Variants in OSBPL11 observed in about 807,000 individuals in gnomAD.
The protein encoded by OSBPL11 is oxysterol-binding protein-related protein 11.
In OSBPL11, 33 loss-of-function variants were observed where a neutral mutation model predicts 84.4. The observed-to-expected ratio is 0.39, with a 90% confidence interval of 0.30 to 0.52. The LOEUF (loss-of-function observed/expected upper bound fraction) is 0.52. Ranked by LOEUF, OSBPL11 falls within the 20% of genes least tolerant of loss-of-function variation. The probability of loss-of-function intolerance (pLI) is 0.72; values close to 1 mark genes in which losing one functional copy is unlikely to be tolerated. For synonymous variants in OSBPL11, 276 were observed against 310.2 expected (o/e 0.89, Z 1.16); for missense variants, 736 against 901.1 (o/e 0.82, Z 2.35).
chr3:125,569,505 A>G (rs1044000807), intron 5 of OSBPL11, among the ~76,000 whole-genome samples: 2 of 152,234 alleles, frequency 1.3e-5, no homozygotes, highest in African/African-American at 4.8e-5. Context: ...GTTTTTGTAT[A>G]CAAATTTAGG....
intron 5 of OSBPL11, among the ~76,000 whole-genome samples, chr3:125,572,853 ATATT>A (rs1203921251): frequency 1.4e-5 from 2 of 145,682 alleles, no homozygotes; most frequent in Non-Finnish European, 3.0e-5. Flanking sequence ...TTATTTATAT[ATATT>A]TATATATTTA....
chr3:125,530,696 T>A, intron 12 of OSBPL11, 116 bp from the exon 13 acceptor site: 1 of 848,286 alleles, frequency 1.2e-6, no homozygotes, highest in Non-Finnish European at 1.9e-6. Context: ...CAAAAACAAG[T>A]TTTTGTGAAG....
chr3:125,550,767 C>T (rs1410242130), intron 9 of OSBPL11, among the ~76,000 whole-genome samples: 2 of 152,010 alleles, frequency 1.3e-5, no homozygotes, highest in Non-Finnish European at 2.9e-5. Context: ...CTCTGCATTT[C>T]CAAAAATAAT....
chr3:125,530,716 C>A, intron 12 of OSBPL11, 136 bp from the exon 13 acceptor site: 2 of 719,112 alleles, frequency 2.8e-6, no homozygotes, highest in Non-Finnish European at 4.8e-6. Flanking sequence ...GGAATAAAGT[C>A]TTTGTGATTA....
rs1935538862 is a variant in OSBPL11 at position 125,530,360 on chromosome 3, T to C, written c.*155A>G. On this transcript the variant is annotated 3_prime_UTR_variant, in exon 13 of 13. Coordinates refer to ENST00000296220, the MANE Select transcript of OSBPL11 (RefSeq NM_022776.5). ...TGTTTCTTTACCACTTTGGTCTTGC[T>C]GCAGTATTATGGTGCCCTAGTAGGT... 1.5e-6 allele frequency: 1 copy of C among 680,344 alleles called. No homozygotes were observed. The highest frequency in any genetic ancestry group is 2.6e-6 in the Non-Finnish European group (1 of 383,148). The allele number at this position is 680,344 out of a possible 1,614,324, so 42.1% of individuals were successfully genotyped here.
chr3:125,535,486 C>T (rs970334767), intron 11 of OSBPL11, among the ~76,000 whole-genome samples: 6 of 143,912 alleles, frequency 4.2e-5, no homozygotes, highest in Admixed American at 7.1e-5. Flanking sequence ...CTCTGTCACC[C>T]AGGCTAGAGT....
At chr3:125,576,522 G>A (rs1168356019) in intron 4 of OSBPL11, among the ~76,000 whole-genome samples, 157 bp from the exon 5 acceptor site, 1 of 152,110 alleles carries the variant, frequency 6.6e-6, no homozygotes, top group African/African-American at 2.4e-5. Flanking sequence ...ATAAAAATCT[G>A]AGATACTCAA....
chr3:125,559,503 C>T (rs1936042563), intron 8 of OSBPL11, among the ~76,000 whole-genome samples: 1 of 152,166 alleles, frequency 6.6e-6, no homozygotes, highest in Non-Finnish European at 1.5e-5. Flanking sequence ...ATCCTCCCAC[C>T]TCAGCTTCCC....
chr3:125,552,049 A>G, intron 9 of OSBPL11, 132 bp downstream of exon 9: 1 of 442,854 alleles, frequency 2.3e-6, no homozygotes, highest in Non-Finnish European at 3.4e-6. Context: ...GTTTCTCCCA[A>G]GCGAACTTTC....
chr3:125,575,552 C>T (rs1245161823), intron 5 of OSBPL11, among the ~76,000 whole-genome samples: 1 of 151,522 alleles, frequency 6.6e-6, no homozygotes, highest in Non-Finnish European at 1.5e-5. Context: ...TTTTTTGAGA[C>T]AGGGTTTCAC....
intron 11 of OSBPL11, among the ~76,000 whole-genome samples, chr3:125,536,292 T>C (rs1935639201): frequency 6.6e-6 from 1 of 152,220 alleles, no homozygotes; most frequent in Non-Finnish European, 1.5e-5. Flanking sequence ...AATTTAAGAA[T>C]GTCAATATTT....
rs558652503 is a variant in OSBPL11, at chr3:125,537,221, T to C, written c.2024+1230A>G. On this transcript the variant is annotated intron_variant, in intron 11 of 12. Transcript: ENST00000296220. ...CCAGATTTTAAAAAAACTAATAATT[T>C]GTATTGCTTTTTCAAGGACATCTTA... is the stretch of plus-strand genomic sequence containing the variant. 2.0e-4 allele frequency among the ~76,000 whole-genome samples: 30 copies of C among 151,668 alleles called. No individual in the cohort carries two copies. In the South Asian group the frequency reaches 4.6e-3, roughly 23 times the overall value.
At chr3:125,565,573 A>G (rs1390375190) in intron 6 of OSBPL11, among the ~76,000 whole-genome samples, 1 of 152,228 alleles carries the variant, frequency 6.6e-6, no homozygotes, top group South Asian at 2.1e-4. Flanking sequence ...CTAAGAAGAA[A>G]AAAGAGAAAA....
intron 7 of OSBPL11, among the ~76,000 whole-genome samples, chr3:125,560,751 A>C (rs1437614336): frequency 6.6e-6 from 1 of 152,226 alleles, no homozygotes; most frequent in African/African-American, 2.4e-5. Flanking sequence ...ATATCACATA[A>C]GAACTATTTT....
In OSBPL11 at chr3:125,550,784, A is replaced by G. The variant is rs1401413830; in HGVS notation, c.1654+1397T>C. Among the ~76,000 whole-genome samples the G allele has an allele frequency of 2.0e-5, 3 of 152,176 alleles. No homozygotes were observed. In the East Asian group the frequency reaches 5.8e-4, roughly 29 times the overall value. ...CTGCATTTCCAAAAATAATTTTTTC[A>G]TAATCTTCTGATGAAGTAGAATTAA... On this transcript the variant is annotated intron_variant, in intron 9 of 12. Transcript: ENST00000296220.
intron 9 of OSBPL11, among the ~76,000 whole-genome samples, chr3:125,548,309 A>G (rs1420195148): frequency 6.6e-6 from 1 of 152,236 alleles, no homozygotes; most frequent in Non-Finnish European, 1.5e-5. Flanking sequence ...ATAAAGTCAT[A>G]GACATTCATC....
intron 4 of OSBPL11, among the ~76,000 whole-genome samples, chr3:125,576,980 G>A (rs149276631): frequency 3.3e-5 from 5 of 151,906 alleles, no homozygotes; most frequent in East Asian, 1.9e-4. Context: ...CACTGCGCCC[G>A]GCCTTAAACA....
intron 12 of OSBPL11, among the ~76,000 whole-genome samples, chr3:125,531,213 C>T (rs796847191): frequency 1.3e-5 from 2 of 151,822 alleles, no homozygotes; most frequent in South Asian, 2.1e-4. Context: ...CTCCTGACCT[C>T]ATGATCCGCC....
intron 10 of OSBPL11, among the ~76,000 whole-genome samples, chr3:125,543,001 G>C (rs1935755565): frequency 6.6e-6 from 1 of 151,952 alleles, no homozygotes; most frequent in African/African-American, 2.4e-5. Flanking sequence ...TTTAAAAGCT[G>C]TCTGGTTAAG....
Sources: gnomAD v4.1 joint callset for allele counts (sites outside exome capture counted in the v4.1 genomes callset) on GRCh38, gnomAD v4.1.1 for gene constraint, MANE v1.5 for transcripts, NCBI Gene and HGNC (gene_info 2026-07-23, HGNC 2026-07-21) for gene names.